P4HA3: variants seen among roughly 807,000 people sequenced by gnomAD.
P4HA3 encodes prolyl 4-hydroxylase subunit alpha 3.
In P4HA3, 60 loss-of-function variants were observed where a neutral mutation model predicts 66.7. The observed-to-expected ratio is 0.90, with a 90% CI of 0.73 to 1.12. The LOEUF is 1.12. P4HA3 is among the 50% of genes most tolerant of loss of function. P4HA3 has a pLI of 0.00. For synonymous variants in P4HA3, 263 were observed against 274.6 expected (o/e 0.96, Z 0.42); for missense variants, 683 against 685.8 (o/e 1.00, Z 0.05).
chr11:74,255,914 C>T, intron 15 of P4HA3: 1 of 516,320 alleles, frequency 1.9e-6, no homozygotes, highest in South Asian at 1.4e-5. Flanking sequence ...TGATTTCTCT[C>T]ACCGGAACAC....
chr11:74,268,133 G>A lies in P4HA3; in HGVS notation c.1564+12C>T, dbSNP rs753828973. On this transcript the variant is annotated intron_variant, in intron 12 of 12. Transcript: ENST00000331597. ...TGTACCCCCTTCTCATGCCCAGAAA[G>A]GCAAGACTTACCCCACTTATCTCCC... The A allele has an allele frequency of 4.3e-6, 7 of 1,610,358 alleles. No individual in the cohort carries two copies. In the East Asian group the frequency reaches 1.1e-4, roughly 26 times the overall value.
At chr11:74,256,079 A>C in intron 15 of P4HA3, 1 of 409,794 alleles carries the variant, frequency 2.4e-6, no homozygotes, top group Non-Finnish European at 5.0e-6. Flanking sequence ...CTTCACAGCA[A>C]CTCTATGAGG....
At chr11:74,307,308 T>A (rs1380893664) in intron 1 of P4HA3, among the ~76,000 whole-genome samples, 1 of 152,190 alleles carries the variant, frequency 6.6e-6, no homozygotes, top group Non-Finnish European at 1.5e-5. Context: ...GACTAATGTT[T>A]AATAGGAATC....
downstream of P4HA3, among the ~76,000 whole-genome samples, chr11:74,262,853 T>C (rs1326804831): frequency 6.6e-6 from 1 of 152,220 alleles, no homozygotes; most frequent in Non-Finnish European, 1.5e-5. Context: ...AAAGGGCAGT[T>C]TGTGCTGCCG....
At chr11:74,287,217 A>G (rs2134768943) in intron 5 of P4HA3, 1 of 1,288,198 alleles carries the variant, frequency 7.8e-7, no homozygotes, top group Non-Finnish European at 1.0e-6. Flanking sequence ...TCAGAAGGAG[A>G]TGCTGAATTG....
chr11:74,266,644 C>T (rs551683446), downstream of P4HA3: 16 of 169,590 alleles, frequency 9.4e-5, no homozygotes, highest in Non-Finnish European at 1.7e-4. Flanking sequence ...AGAATATTCT[C>T]AGTTGGGAAA....
intron 11 of P4HA3, among the ~76,000 whole-genome samples, chr11:74,268,669 C>T (rs1373208415): frequency 6.6e-6 from 1 of 152,230 alleles, no homozygotes; most frequent in Non-Finnish European, 1.5e-5. Flanking sequence ...AGCTTTTCCT[C>T]CCTCAGGCAC....
At position 74,266,950 on chromosome 11, in the gene P4HA3, T is replaced by C; in HGVS notation, c.*298A>G. On this transcript the variant is annotated 3_prime_UTR_variant, in exon 13 of 13. Transcript: ENST00000331597. ...CTGATCGAACCTGAGACTGTTGAGA[T>C]GTCCTGTTCCCAACAGAGAGTATCT... 2 of 1,352,472 alleles carry C rather than the reference T, an allele frequency of 1.5e-6. No homozygotes were observed. Among genetic ancestry groups the C allele is most frequent in the East Asian group, 2.5e-5 (1 of 39,704 alleles). 83.8% of individuals were successfully genotyped at this position (1,352,472 alleles called of 1,614,324 possible). A position where few individuals can be genotyped will look rare whatever the true frequency, so the allele number is the denominator to read the frequency against.
intron 3 of P4HA3, 60 bp from the exon 4 acceptor site, chr11:74,298,421 AC>A: frequency 6.4e-7 from 1 of 1,557,022 alleles, no homozygotes; most frequent in East Asian, 2.3e-5. Flanking sequence ...AAAGAAAATG[AC>A]AATTCAAAGA....
chr11:74,258,933 G>A (rs889031655), intron 15 of P4HA3, among the ~76,000 whole-genome samples: 4 of 152,194 alleles, frequency 2.6e-5, no homozygotes, highest in African/African-American at 9.7e-5. Flanking sequence ...AGAAGATAAG[G>A]GGATTCATTC....
At chr11:74,294,686 C>G (rs1861153869) in intron 4 of P4HA3, among the ~76,000 whole-genome samples, 1 of 152,188 alleles carries the variant, frequency 6.6e-6, no homozygotes, top group Non-Finnish European at 1.5e-5. Flanking sequence ...AGCTGCAGGT[C>G]TGTTGGAGTT....
chr11:74,289,602 C>T (rs1320462372), intron 4 of P4HA3, among the ~76,000 whole-genome samples: 4 of 126,000 alleles, frequency 3.2e-5, no homozygotes, highest in African/African-American at 9.0e-5. Flanking sequence ...CCCCTCCCCC[C>T]ACCCCACAAC....
At chr11:74,295,114 C>T (rs915589636) in intron 4 of P4HA3, among the ~76,000 whole-genome samples, 20 of 152,076 alleles carry the variant, frequency 1.3e-4, no homozygotes, top group Non-Finnish European at 2.4e-4. Context: ...AATTGCGGGG[C>T]GTTGTTGTTT....
chr11:74,256,920 T>A (rs534428437), intron 15 of P4HA3, among the ~76,000 whole-genome samples: 154 of 152,262 alleles, frequency 1.0e-3, no homozygotes, highest in Non-Finnish European at 2.4e-4. Flanking sequence ...GTTAGGAGCA[T>A]TTGCTGATTA....
intron 9 of P4HA3, among the ~76,000 whole-genome samples, chr11:74,276,359 T>C (rs2134739993): frequency 6.6e-6 from 1 of 152,206 alleles, no homozygotes; most frequent in South Asian, 2.1e-4. Flanking sequence ...GCCCAGGAGC[T>C]CAAGACAAGC....
intron 1 of P4HA3, 105 bp from the exon 2 acceptor site, chr11:74,304,517 G>C (rs746767413): frequency 1.5e-6 from 2 of 1,308,760 alleles, no homozygotes; most frequent in Non-Finnish European, 2.1e-6. Flanking sequence ...CTGACATGCT[G>C]AACCTCTTGA....
At chr11:74,274,425 C>T (rs941107141) in intron 9 of P4HA3, among the ~76,000 whole-genome samples, 1 of 151,692 alleles carries the variant, frequency 6.6e-6, no homozygotes, top group Admixed American at 6.6e-5. Context: ...CCTGCCTCAG[C>T]CTCCCAAGTA....
At chr11:74,279,720 A>C (rs1450975108) in intron 7 of P4HA3, among the ~76,000 whole-genome samples, 1 of 152,218 alleles carries the variant, frequency 6.6e-6, no homozygotes, top group Non-Finnish European at 1.5e-5. Flanking sequence ...AAGTTTGCTG[A>C]GTTGAATTTA....
chr11:74,296,851 A>C (rs557777860), intron 4 of P4HA3, among the ~76,000 whole-genome samples: 1 of 151,870 alleles, frequency 6.6e-6, no homozygotes, highest in East Asian at 1.9e-4. Flanking sequence ...CCTACATCAC[A>C]GTTACTCTGT....
Sources: gnomAD v4.1 joint callset for allele counts (sites outside exome capture counted in the v4.1 genomes callset) on GRCh38, gnomAD v4.1.1 for gene constraint, MANE v1.5 for transcripts, NCBI Gene and HGNC (gene_info 2026-07-23, HGNC 2026-07-21) for gene names.